GRM7: variants seen among roughly 807,000 people sequenced by gnomAD.
GRM7 encodes the protein glutamate metabotropic receptor 7.
GRM7 carries 35 observed loss-of-function variants against 84.5 expected under a neutral mutation model. The ratio of observed to expected loss-of-function variants is 0.41; its 90% CI spans 0.32 to 0.55. The LOEUF is 0.55. GRM7 is among the 20% of genes least tolerant of loss of function. The pLI, the probability that GRM7 is intolerant of heterozygous loss-of-function variation, is 0.19. For missense variants in GRM7, 1,003 were observed against 1,194.6 expected (o/e 0.84, Z 2.36); for synonymous variants, 487 against 455.1 (o/e 1.07, Z -0.89).
At chr3:7,705,123 C>T (rs1003494712) in intron 9 of GRM7, among the ~76,000 whole-genome samples, 2 of 152,042 alleles carry the variant, frequency 1.3e-5, no homozygotes, top group Non-Finnish European at 2.9e-5. Flanking sequence ...ATTTCTGAAG[C>T]CCTGAAGCCC....
Position 6,972,829 on chromosome 3 carries a change from T to G in GRM7, c.519+110922T>G, listed in dbSNP as rs1575084525. Among the ~76,000 whole-genome samples, 4 of 152,140 alleles carry G rather than the reference T, an allele frequency of 2.6e-5. No homozygotes were observed. The South Asian group carries it at 6.2e-4, about 24-fold the overall frequency. On this transcript the variant is annotated intron_variant, in intron 1 of 9. Transcript: ENST00000357716. ...ACTTTATCTCAAAAGCTGAGGAGAA[T>G]CCTGCTAGGGCTAACAGCTGAGGCC...
intron 4 of GRM7, among the ~76,000 whole-genome samples, chr3:7,377,873 C>T (rs1348542467): frequency 6.6e-6 from 1 of 152,136 alleles, no homozygotes; most frequent in Non-Finnish European, 1.5e-5. Context: ...ACTTAGTTAA[C>T]TAATCAGTGC....
At chr3:7,193,283 CTGAT>C (rs1340799388) in intron 2 of GRM7, among the ~76,000 whole-genome samples, 5 of 152,080 alleles carry the variant, frequency 3.3e-5, no homozygotes, top group African/African-American at 1.2e-4. Flanking sequence ...TTGTTGATCT[CTGAT>C]TGTGTGGATT....
At chr3:7,556,812 G>A (rs896669484) in intron 7 of GRM7, among the ~76,000 whole-genome samples, 4 of 152,094 alleles carry the variant, frequency 2.6e-5, no homozygotes, top group Non-Finnish European at 5.9e-5. Context: ...AGTGACTGAG[G>A]CATTGAAGGC....
At position 7,298,839 on chromosome 3, in the gene GRM7, G is replaced by A; in HGVS notation, c.878+14G>A. The A allele has an allele frequency of 6.2e-7, 1 of 1,610,276 alleles. No individual in the cohort carries two copies. Among genetic ancestry groups the A allele is most frequent in the Non-Finnish European group, 8.5e-7 (1 of 1,176,878 alleles). ...TGAGGATATAAAGTAAGAATAACTG[G>A]TGACAATTGTTAATATGCATGTTGC... On this transcript the variant is annotated intron_variant, in intron 3 of 9. Transcript: ENST00000357716.
At chr3:7,737,153 A>G (rs946706795) in intron 9 of GRM7, among the ~76,000 whole-genome samples, 2 of 152,208 alleles carry the variant, frequency 1.3e-5, no homozygotes, top group African/African-American at 4.8e-5. Flanking sequence ...GAAGCTCAAT[A>G]AAGTTAATGT....
At chr3:6,866,120 G>C (rs1694930477) in intron 1 of GRM7, among the ~76,000 whole-genome samples, 1 of 152,088 alleles carries the variant, frequency 6.6e-6, no homozygotes, top group Non-Finnish European at 1.5e-5. Flanking sequence ...TTCTCTTTAA[G>C]AATAATTGAA....
chr3:7,091,661 C>G (rs1698667776), intron 1 of GRM7, among the ~76,000 whole-genome samples: 1 of 137,254 alleles, frequency 7.3e-6, no homozygotes, highest in South Asian at 2.3e-4. Flanking sequence ...TTTTGATATG[C>G]TCTACCTTTT....
At chr3:7,393,682 A>G (rs550810415) in intron 4 of GRM7, among the ~76,000 whole-genome samples, 1 of 152,332 alleles carries the variant, frequency 6.6e-6, no homozygotes, top group South Asian at 2.1e-4. Flanking sequence ...TCTCTTCCCA[A>G]TAAAAATGGT....
intron 1 of GRM7, among the ~76,000 whole-genome samples, chr3:7,100,688 A>C (rs145402595): frequency 1.3e-3 from 192 of 151,892 alleles, no homozygotes; most frequent in African/African-American, 4.4e-3. Context: ...GAGGAATTTT[A>C]AGAGTTTTGG....
At chr3:6,899,832 C>A (rs902156360) in intron 1 of GRM7, among the ~76,000 whole-genome samples, 2 of 152,026 alleles carry the variant, frequency 1.3e-5, no homozygotes, top group South Asian at 2.1e-4. Context: ...CAGAGGTGAG[C>A]AAAGAGAACA....
chr3:7,073,535 C>T (rs556126337), intron 1 of GRM7, among the ~76,000 whole-genome samples: 3 of 152,198 alleles, frequency 2.0e-5, no homozygotes, highest in African/African-American at 7.2e-5. Flanking sequence ...AGTTGATTTT[C>T]AGATCAGATT....
Position 7,306,798 on chromosome 3 carries a change from G to A in GRM7, c.1033+146G>A, listed in dbSNP as rs574639209. The A allele has an allele frequency of 2.0e-5, 12 of 585,574 alleles. 1 individual carries two copies. In the South Asian group the frequency reaches 2.7e-4, roughly 13 times the overall value. The allele number at this position is 585,574 out of a possible 1,614,324, so 36.3% of individuals were successfully genotyped here. On this transcript the variant is annotated intron_variant, in intron 4 of 9. Transcript: ENST00000357716. ...CTTATAGCCATGAAATGCAAATGAG[G>A]CCACACACCTGGTCTGTTCTTTTAG...
chr3:7,196,354 G>T (rs11923998), intron 2 of GRM7, among the ~76,000 whole-genome samples: 5 of 151,984 alleles, frequency 3.3e-5, no homozygotes, highest in Non-Finnish European at 7.4e-5. Flanking sequence ...AACATCTAGA[G>T]TAATATTTGG....
At chr3:6,968,373 G>A (rs1693612114) in intron 1 of GRM7, among the ~76,000 whole-genome samples, 1 of 152,050 alleles carries the variant, frequency 6.6e-6, no homozygotes. Flanking sequence ...CCTCTGTAAG[G>A]ACCGTATTCC....
At chr3:7,695,622 C>CCCA (rs1700988570) in intron 9 of GRM7, among the ~76,000 whole-genome samples, 1 of 152,210 alleles carries the variant, frequency 6.6e-6, no homozygotes, top group South Asian at 2.1e-4. Context: ...GATGCTGGAG[C>CCCA]CCATATACCT....
At chr3:7,127,865 T>C (rs1329324972) in intron 1 of GRM7, among the ~76,000 whole-genome samples, 1 of 152,060 alleles carries the variant, frequency 6.6e-6, no homozygotes, top group East Asian at 1.9e-4. Flanking sequence ...ATCTGTGAGA[T>C]GTGAAGTCAA....
intron 8 of GRM7, among the ~76,000 whole-genome samples, chr3:7,648,883 G>C (rs1008033253): frequency 6.6e-6 from 1 of 152,098 alleles, no homozygotes; most frequent in African/African-American, 2.4e-5. Context: ...ATTTAGTCAA[G>C]TACGGCTTGC....
At chr3:7,650,196 G>T (rs1698863929) in intron 8 of GRM7, among the ~76,000 whole-genome samples, 1 of 142,392 alleles carries the variant, frequency 7.0e-6, no homozygotes, top group African/African-American at 2.4e-5. Flanking sequence ...TTTCTCAAAA[G>T]CTTGCTTGCT....
Sources: gnomAD v4.1 joint callset for allele counts (sites outside exome capture counted in the v4.1 genomes callset) on GRCh38, gnomAD v4.1.1 for gene constraint, MANE v1.5 for transcripts, NCBI Gene and HGNC (gene_info 2026-07-23, HGNC 2026-07-21) for gene names.